ATF7IP: variants seen among roughly 807,000 people sequenced by gnomAD.
ATF7IP encodes activating transcription factor 7-interacting protein 1.
In ATF7IP, 23 loss-of-function variants were observed where a neutral mutation model predicts 106.4. The observed-to-expected ratio is 0.22, with a 90% CI of 0.16 to 0.31. The LOEUF (loss-of-function observed/expected upper bound fraction) is 0.31. Among genes scored for constraint, ATF7IP ranks in the 10% least tolerant of loss-of-function variants. The pLI is 1.00. For missense variants in ATF7IP, 1,334 were observed against 1,524.3 expected (o/e 0.88, Z 2.08); for synonymous variants, 542 against 539.0 (o/e 1.01, Z -0.08).
chr12:14,384,841 G>A, intron 1 of ATF7IP, among the ~76,000 whole-genome samples: 1 of 134,384 alleles, frequency 7.4e-6, no homozygotes, highest in East Asian at 2.3e-4. Flanking sequence ...TTATAAAATT[G>A]AAATTCTTTT....
At chr12:14,486,252 C>T (rs1944608209) in intron 13 of ATF7IP, among the ~76,000 whole-genome samples, 1 of 152,154 alleles carries the variant, frequency 6.6e-6, no homozygotes, top group South Asian at 2.1e-4. Flanking sequence ...AACTGGAGGA[C>T]CACAATGATG....
At chr12:14,380,291 C>T (rs1397138585) in intron 1 of ATF7IP, among the ~76,000 whole-genome samples, 1 of 151,758 alleles carries the variant, frequency 6.6e-6, no homozygotes, top group Non-Finnish European at 1.5e-5. Context: ...CTTTTGGTCT[C>T]TGTCATGTTG....
chr12:14,481,592 A>C (rs193232630), intron 13 of ATF7IP: 2 of 431,996 alleles, frequency 4.6e-6, no homozygotes, highest in African/African-American at 2.0e-5. Flanking sequence ...ATCTATTATT[A>C]TTTTTCTTCC....
intron 10 of ATF7IP, among the ~76,000 whole-genome samples, chr12:14,469,540 TTTA>T (rs56984016): frequency 0.02 from 3,040 of 152,034 alleles, 99 homozygotes; most frequent in African/African-American, 0.07. Flanking sequence ...TATTGTATAT[TTTA>T]TTACTATATA....
chr12:14,479,756 G>A (rs1291818748), intron 12 of ATF7IP, among the ~76,000 whole-genome samples: 2 of 152,040 alleles, frequency 1.3e-5, no homozygotes, highest in Non-Finnish European at 1.5e-5. Flanking sequence ...GCATTTCCAG[G>A]CAAAAGAATG....
At chr12:14,470,624 T>A (rs1944004506) in intron 10 of ATF7IP, among the ~76,000 whole-genome samples, 1 of 152,188 alleles carries the variant, frequency 6.6e-6, no homozygotes, top group Non-Finnish European at 1.5e-5. Context: ...ACCTTAGATT[T>A]TTCACTTATA....
rs1348708713 is a variant in ATF7IP, at chr12:14,367,408, G to C, written c.-8+1581G>C. 9 of 152,030 alleles carry C rather than the reference G, an allele frequency of 5.9e-5. No individual in the cohort carries two copies. In the East Asian group the frequency reaches 1.7e-3, roughly 29 times the overall value. The allele number at this position is 152,030 out of a possible 1,614,324, so 9.4% of individuals were successfully genotyped here. A position where few individuals can be genotyped will look rare whatever the true frequency, so the allele number is the denominator to read the frequency against. ...GAATATTTGACCTGATGTAATTCTT[G>C]GATCTCTGAGGTCTTCTACACAGAA... On this transcript the variant is annotated intron_variant, in intron 1 of 14. Coordinates refer to ENST00000261168, the MANE Select transcript of ATF7IP (RefSeq NM_018179.5).
At chr12:14,375,271 G>C (rs563726563) in intron 1 of ATF7IP, among the ~76,000 whole-genome samples, 7 of 151,622 alleles carry the variant, frequency 4.6e-5, no homozygotes, top group African/African-American at 1.7e-4. Context: ...ATGATGAATT[G>C]TCATGGGAAG....
intron 13 of ATF7IP, among the ~76,000 whole-genome samples, chr12:14,487,917 CCTTG>C (rs1293491956): frequency 2.0e-5 from 3 of 152,164 alleles, no homozygotes; most frequent in Non-Finnish European, 4.4e-5. Flanking sequence ...TCCCTAAACT[CCTTG>C]CTTCTCACAA....
chr12:14,411,857 T>C (rs75058847), intron 1 of ATF7IP, among the ~76,000 whole-genome samples: 15,808 of 152,090 alleles, frequency 0.1, 1,030 homozygotes, highest in African/African-American at 0.19. Flanking sequence ...TAAGAAACCA[T>C]TGCCTGTTCC....
chr12:14,423,744 G>C (rs956593947), intron 1 of ATF7IP, 165 bp from the exon 2 acceptor site: 2 of 689,732 alleles, frequency 2.9e-6, no homozygotes, highest in Non-Finnish European at 2.2e-6. Context: ...TTACACAGAT[G>C]CAGTAAATAT....
chr12:14,499,383 C>T lies in ATF7IP; in HGVS notation c.*1310C>T, dbSNP rs1045152521. 2 of 152,218 alleles carry T rather than the reference C, an allele frequency of 1.3e-5. No homozygotes were observed. Among genetic ancestry groups the T allele is most frequent in the South Asian group, 4.1e-4 (2 of 4,828 alleles). 9.4% of individuals were successfully genotyped at this position (152,218 alleles called of 1,614,324 possible). A position where few individuals can be genotyped will look rare whatever the true frequency, so the allele number is the denominator to read the frequency against. Reference sequence around the variant, plus strand: ...CCATATTGTGGAAGACAGTTTTTCACACATTTTAGTATCCGTGTTGCACAC... The same window carrying T: ...CCATATTGTGGAAGACAGTTTTTCATACATTTTAGTATCCGTGTTGCACAC... On this transcript the variant is annotated 3_prime_UTR_variant, in exon 15 of 15. Coordinates refer to ENST00000261168, the MANE Select transcript of ATF7IP (RefSeq NM_018179.5).
chr12:14,413,672 A>G (rs1342206727), intron 1 of ATF7IP, among the ~76,000 whole-genome samples: 1 of 152,160 alleles, frequency 6.6e-6, no homozygotes, highest in Non-Finnish European at 1.5e-5. Flanking sequence ...TTATCACATA[A>G]ACTAATGAGA....
At chr12:14,395,333 ATTTG>A (rs971547970) in intron 1 of ATF7IP, 9 of 152,070 alleles carry the variant, frequency 5.9e-5, no homozygotes, top group African/African-American at 9.7e-5. Flanking sequence ...GTTTTTAAAA[ATTTG>A]TTTGTTTTTA....
At chr12:14,391,844 C>CGAAGTAG (rs1939571577) in intron 1 of ATF7IP, among the ~76,000 whole-genome samples, 1 of 152,166 alleles carries the variant, frequency 6.6e-6, no homozygotes, top group African/African-American at 2.4e-5. Context: ...GCCTCAGCCT[C>CGAAGTAG]CTGAGTAGCT....
chr12:14,488,252 ATATC>A (rs1186357748), intron 13 of ATF7IP, among the ~76,000 whole-genome samples: 1 of 152,060 alleles, frequency 6.6e-6, no homozygotes, highest in Admixed American at 6.6e-5. Flanking sequence ...ATTTTTATAT[ATATC>A]TATAGTATAA....
chr12:14,389,145 T>C (rs1939408878), intron 1 of ATF7IP, among the ~76,000 whole-genome samples: 1 of 152,244 alleles, frequency 6.6e-6, no homozygotes, highest in African/African-American at 2.4e-5. Flanking sequence ...ATATACCTTT[T>C]CAAGTGTGAT....
intron 2 of ATF7IP, among the ~76,000 whole-genome samples, chr12:14,433,228 C>G (rs966382617): frequency 6.6e-6 from 1 of 151,798 alleles, no homozygotes; most frequent in Non-Finnish European, 1.5e-5. Flanking sequence ...AAATTTAGGC[C>G]CAGTGCAGTG....
At chr12:14,376,770 C>A (rs528107615) in intron 1 of ATF7IP, among the ~76,000 whole-genome samples, 1 of 152,162 alleles carries the variant, frequency 6.6e-6, no homozygotes, top group South Asian at 2.1e-4. Flanking sequence ...AAATTGATTT[C>A]TTGTGAAGAT....
Sources: gnomAD v4.1 joint callset for allele counts (sites outside exome capture counted in the v4.1 genomes callset) on GRCh38, gnomAD v4.1.1 for gene constraint, MANE v1.5 for transcripts, NCBI Gene and HGNC (gene_info 2026-07-23, HGNC 2026-07-21) for gene names.